The following AP3B1 variants were observed in gnomAD, a reference collection of about 807,000 sequenced individuals.
AP3B1 encodes the protein AP-3 complex subunit beta-1.
Under a neutral mutation model 132.5 loss-of-function variants are expected in AP3B1, and 61 were observed. That is an observed-to-expected ratio of 0.46 (90% CI 0.37 to 0.57). The LOEUF (loss-of-function observed/expected upper bound fraction) is 0.57. AP3B1 is among the 20% of genes least tolerant of loss of function. AP3B1 has a pLI of 0.00. For missense variants in AP3B1, 1,120 were observed against 1,289.4 expected, an observed-to-expected ratio of 0.87 and a Z score of 2.01; for synonymous variants, 388 against 438.3, an observed-to-expected ratio of 0.89 and a Z score of 1.43.
At position 78,216,754 on chromosome 5, in the gene AP3B1, T is replaced by C. The variant is rs146150614; in HGVS notation, c.604-517A>G. On this transcript the variant is annotated intron_variant, in intron 6 of 26. Transcript: ENST00000255194. ...CACTTTCAAATCATATACATCTTAATCCACCGGTTTTTACCCAATATAATT... is the reference window on the plus strand; with the variant it reads ...CACTTTCAAATCATATACATCTTAACCCACCGGTTTTTACCCAATATAATT... Among the ~76,000 whole-genome samples, 3 of 152,216 alleles carry C rather than the reference T, an allele frequency of 2.0e-5. No individual in the cohort carries two copies. The East Asian group carries it at 5.8e-4, about 29-fold the overall frequency.
chr5:78,115,158 C>A (rs144969438), intron 18 of AP3B1, among the ~76,000 whole-genome samples: 1 of 152,158 alleles, frequency 6.6e-6, no homozygotes. Flanking sequence ...CACGCACATA[C>A]ATATTAAGTC....
chr5:78,228,513 T>C (rs141454532), intron 3 of AP3B1, among the ~76,000 whole-genome samples: 73 of 152,304 alleles, frequency 4.8e-4, no homozygotes, highest in African/African-American at 1.7e-3. Flanking sequence ...AGATCTCATA[T>C]AAGAATATTA....
intron 2 of AP3B1, among the ~76,000 whole-genome samples, chr5:78,266,814 G>C (rs1004880667): frequency 2.6e-5 from 4 of 151,858 alleles, no homozygotes; most frequent in African/African-American, 9.7e-5. Context: ...CTGTGAATGT[G>C]GAAAATCAAA....
chr5:78,193,492 T>C (rs1245754965), intron 7 of AP3B1, among the ~76,000 whole-genome samples: 1 of 151,686 alleles, frequency 6.6e-6, no homozygotes, highest in Non-Finnish European at 1.5e-5. Flanking sequence ...ATAGTAAGTT[T>C]CCACTTATTC....
At chr5:78,086,958 C>A (rs1732214243) in intron 22 of AP3B1, among the ~76,000 whole-genome samples, 1 of 152,116 alleles carries the variant, frequency 6.6e-6, no homozygotes, top group Non-Finnish European at 1.5e-5. Context: ...GGAAATACCA[C>A]AACCCGTAGC....
chr5:78,027,177 G>A (rs1220313594), intron 24 of AP3B1, among the ~76,000 whole-genome samples: 7 of 151,844 alleles, frequency 4.6e-5, no homozygotes, highest in Admixed American at 3.9e-4. Flanking sequence ...TGTCCTCAGA[G>A]TATGAAAATA....
At chr5:78,032,603 G>T (rs1747628661) in intron 24 of AP3B1, among the ~76,000 whole-genome samples, 1 of 151,836 alleles carries the variant, frequency 6.6e-6, no homozygotes, top group South Asian at 2.1e-4. Flanking sequence ...TTTTGGGCAG[G>T]CCAATCAAGA....
chr5:78,184,336 C>T (rs1015973943), intron 7 of AP3B1, among the ~76,000 whole-genome samples: 2 of 151,854 alleles, frequency 1.3e-5, no homozygotes, highest in Non-Finnish European at 2.9e-5. Context: ...GAACACAGAA[C>T]AACAAGATTT....
chr5:78,186,997 T>G lies in AP3B1; in HGVS notation c.787-5335A>C, dbSNP rs1447142544. ...CAGAGAAAACTCACAAAATTTATAC[T>G]CTTTGAAAACAAAAGTATTTCTACT... On this transcript the variant is annotated intron_variant, in intron 7 of 26. Transcript: ENST00000255194. 3.9e-5 allele frequency among the ~76,000 whole-genome samples: 6 copies of G among 152,304 alleles called. No individual in the cohort carries two copies. The East Asian group carries it at 1.2e-3, about 29-fold the overall frequency.
intron 7 of AP3B1, among the ~76,000 whole-genome samples, chr5:78,197,778 A>C (rs1414785045): frequency 6.6e-6 from 1 of 152,228 alleles, no homozygotes; most frequent in Non-Finnish European, 1.5e-5. Context: ...ATGTATAAAA[A>C]TTGATAAAGG....
chr5:78,135,906 A>T (rs1752890177), intron 15 of AP3B1, among the ~76,000 whole-genome samples: 1 of 152,182 alleles, frequency 6.6e-6, no homozygotes, highest in Non-Finnish European at 1.5e-5. Context: ...AACTGGTTTC[A>T]GTCTTTCAAC....
At position 78,177,321 on chromosome 5, in the gene AP3B1, T is replaced by A. The variant is rs199956209; in HGVS notation, c.1040+18A>T. 9.1e-6 allele frequency: 14 copies of A among 1,540,122 alleles called. No homozygotes were observed. ...GAAGGAATACAAAAGAAAAAATATA[T>A]ATAAAATCATGACCTACCTATTGCT... On this transcript the variant is annotated intron_variant, in intron 9 of 26. Transcript: ENST00000255194.
At chr5:78,035,869 T>C (rs1747789467) in intron 23 of AP3B1, among the ~76,000 whole-genome samples, 1 of 152,096 alleles carries the variant, frequency 6.6e-6, no homozygotes, top group Non-Finnish European at 1.5e-5. Context: ...TTTTTTTCAT[T>C]TCTCATAAAG....
chr5:78,073,897 T>C (rs1485543859), intron 22 of AP3B1, among the ~76,000 whole-genome samples: 3 of 152,162 alleles, frequency 2.0e-5, no homozygotes, highest in African/African-American at 7.2e-5. Flanking sequence ...CACAACCTCT[T>C]TAATCCTTCA....
Position 78,204,283 on chromosome 5 carries a change from T to C in AP3B1, c.786+11772A>G, listed in dbSNP as rs562262149. Among the ~76,000 whole-genome samples the C allele has an allele frequency of 2.0e-5, 3 of 152,350 alleles. No individual in the cohort carries two copies. In the South Asian group the frequency reaches 6.2e-4, roughly 32 times the overall value. ...TGTTTACAGTCGTTTCTAAGCTATT[T>C]CTGAAAAGAGTACATTCTTTGTTGC... On this transcript the variant is annotated intron_variant, in intron 7 of 26. Transcript: ENST00000255194.
Position 78,002,752 on chromosome 5 carries a change from T to C in AP3B1, c.*150A>G. The C allele has an allele frequency of 1.1e-6, 1 of 903,802 alleles. No homozygotes were observed. Among genetic ancestry groups the C allele is most frequent in the Non-Finnish European group, 1.8e-6 (1 of 543,746 alleles). The allele number at this position is 903,802 out of a possible 1,614,324, so 56.0% of individuals were successfully genotyped here. ...TATTGCATACATGATAGATACACACTAGCATTCTAAAGCAGGAGACAAGAA... is the reference window on the plus strand; with the variant it reads ...TATTGCATACATGATAGATACACACCAGCATTCTAAAGCAGGAGACAAGAA... On this transcript the variant is annotated 3_prime_UTR_variant, in exon 27 of 27. Coordinates refer to ENST00000255194, the MANE Select transcript of AP3B1 (RefSeq NM_003664.5).
intron 1 of AP3B1, among the ~76,000 whole-genome samples, chr5:78,280,115 A>G (rs1417483833): frequency 6.6e-6 from 1 of 150,778 alleles, no homozygotes; most frequent in South Asian, 2.1e-4. Context: ...CTATAAAGTA[A>G]TACCTTATAA....
intron 5 of AP3B1, 64 bp from the exon 6 acceptor site, chr5:78,225,672 C>T (rs1746372180): frequency 9.7e-7 from 1 of 1,030,788 alleles, no homozygotes; most frequent in Non-Finnish European, 1.5e-6. Context: ...TGATGCTCAC[C>T]AATTCAAGGA....
chr5:78,097,229 G>A (rs1449886525), intron 21 of AP3B1, among the ~76,000 whole-genome samples: 3 of 127,948 alleles, frequency 2.3e-5, no homozygotes, highest in Non-Finnish European at 5.1e-5. Flanking sequence ...CCGTCCGGGA[G>A]GGAGGTGGGG....
Sources: gnomAD v4.1 joint callset for allele counts (sites outside exome capture counted in the v4.1 genomes callset) on GRCh38, gnomAD v4.1.1 for gene constraint, MANE v1.5 for transcripts, NCBI Gene and HGNC (gene_info 2026-07-23, HGNC 2026-07-21) for gene names.